The following DDX11 variants were observed in gnomAD, a reference collection of about 807,000 sequenced individuals.
The protein encoded by DDX11 is DEAD/H-box helicase 11.
DDX11 carries 72 observed loss-of-function variants against 125.2 expected under a neutral mutation model. The observed-to-expected ratio is 0.58, with a 90% CI of 0.48 to 0.70. The LOEUF is 0.70. Ranked by LOEUF, DDX11 falls within the 30% of genes least tolerant of loss-of-function variation. DDX11 has a pLI of 0.00. For synonymous variants in DDX11, 347 were observed against 452.6 expected (o/e 0.77, Z 2.96); for missense variants, 883 against 1,165.0 (o/e 0.76, Z 3.52).
At position 31,089,292 on chromosome 12, in the gene DDX11, G is replaced by T. The variant is rs545398341; in HGVS notation, c.793-111G>T. The T allele has an allele frequency of 1.1e-5, 15 of 1,403,186 alleles. No homozygotes were observed. In the South Asian group the frequency reaches 1.5e-4, roughly 14 times the overall value. 86.9% of individuals were successfully genotyped at this position (1,403,186 alleles called of 1,614,324 possible). On this transcript the variant is annotated intron_variant, in intron 7 of 26. Transcript: ENST00000542838. ...GAGCAGCCCCCTCCCTGACCTGGCC[G>T]GCCCAGCACTGGAAGGCAAAGGAGA...
intron 6 of DDX11, among the ~76,000 whole-genome samples, chr12:31,088,761 T>G (rs746651418): frequency 6.6e-6 from 1 of 152,124 alleles, no homozygotes; most frequent in African/African-American, 2.4e-5. Context: ...TGTCCAAAGA[T>G]TGGCCAACCC....
intron 1 of DDX11, among the ~76,000 whole-genome samples, chr12:31,075,209 T>C (rs1940530350): frequency 6.6e-6 from 1 of 151,606 alleles, no homozygotes; most frequent in Non-Finnish European, 1.5e-5. Context: ...TCCGTTATAC[T>C]CAGATTTATC....
Position 31,084,457 on chromosome 12 carries a change from G to T in DDX11, c.394-126G>T, listed in dbSNP as rs1942651611. The T allele has an allele frequency of 5.7e-6, 5 of 882,594 alleles. No homozygotes were observed. In the East Asian group the frequency reaches 1.3e-4, roughly 23 times the overall value. The allele number at this position is 882,594 out of a possible 1,614,324, so 54.7% of individuals were successfully genotyped here. On this transcript the variant is annotated intron_variant, in intron 3 of 26. Transcript: ENST00000542838. ...CCCGGGAGGGGATGCGGCAGCCCTT[G>T]AGTGCTGGCCGGGGAAGGAGAGATG...
Position 31,096,934 on chromosome 12 carries a change from T to C in DDX11, c.1706T>C (p.Phe569Ser). Residue 569 changes from phenylalanine to serine, a missense_variant, in exon 17 of 27, where the codon TTC (phenylalanine) becomes TCC (serine). By Grantham distance (155) the Phe-to-Ser change is radical. Around this residue, in one of 5 missense-constraint regions of DDX11, gnomAD observed 241 missense variants for 279.7 expected, o/e 0.86. Transcript: ENST00000542838. The stretch of plus-strand genomic sequence containing the variant: ...TCTCCACTGATGCACATCCAAGGCT[T>C]CCTGGCAGCTCTCACTACGGCCAAC... ...PASPLMHIQG[F>S]LAALTTANQD... 1.2e-6 allele frequency: 2 copies of C among 1,614,064 alleles called. No homozygotes were observed. Among genetic ancestry groups the C allele is most frequent in the Non-Finnish European group, 1.7e-6 (2 of 1,180,002 alleles).
intron 14 of DDX11, 113 bp from the exon 15 acceptor site, chr12:31,096,228 G>T (rs1945194177): frequency 7.5e-7 from 1 of 1,338,722 alleles, no homozygotes; most frequent in African/African-American, 1.5e-5. Flanking sequence ...GCCTCAGAAG[G>T]TAGCACTGCG....
chr12:31,081,986 A>G (rs78071328), intron 2 of DDX11, among the ~76,000 whole-genome samples: 29,063 of 86,364 alleles, frequency 0.34, 6,255 homozygotes, highest in East Asian at 0.72. Context: ...TGCTTCCGAT[A>G]TCACAGACAG....
intron 1 of DDX11, 43 bp from the exon 2 acceptor site, chr12:31,078,347 G>A: frequency 1.2e-6 from 2 of 1,602,784 alleles, no homozygotes; most frequent in Non-Finnish European, 1.7e-6. Context: ...ACTTCTTCCT[G>A]GACCATGAGA....
chr12:31,080,467 A>C lies in DDX11; in HGVS notation c.144+1930A>C, dbSNP rs192994348. On this transcript the variant is annotated intron_variant, in intron 2 of 26. Transcript: ENST00000542838. ...CAGGAGCAGGGATTGCAACCTGAGA[A>C]TCTAATTGTTCTTAAAAAGAATTTC... Among the ~76,000 whole-genome samples, 3 of 152,312 alleles carry C rather than the reference A, an allele frequency of 2.0e-5. No homozygotes were observed. In the East Asian group the frequency reaches 5.8e-4, roughly 29 times the overall value.
chr12:31,101,083 A>T lies in DDX11; in HGVS notation c.2005A>T (p.Asn669Tyr), dbSNP rs1205696482. Reference protein sequence around the residue: ...LPLVICSGISNQPLEFTFQKR... With the variant: ...LPLVICSGISYQPLEFTFQKR... ...CCTCGTCATCTGCAGCGGGATCTCCAACCAGCCGCTGGAATTCACGTTCCA... is the reference window on the plus strand; with the variant it reads ...CCTCGTCATCTGCAGCGGGATCTCCTACCAGCCGCTGGAATTCACGTTCCA... The change falls in exon 20 of 27, where the codon AAC becomes TAC. Residue 669 changes from asparagine to tyrosine, a missense_variant. Asn to Tyr is a moderately radical substitution (Grantham distance 143). Around this residue, in one of 5 missense-constraint regions of DDX11, gnomAD observed 285 missense variants for 346.0 expected, o/e 0.82. Transcript: ENST00000542838. 1 of 1,614,158 alleles carries T rather than the reference A, an allele frequency of 6.2e-7. No homozygotes were observed. Among genetic ancestry groups the T allele is most frequent in the East Asian group, 2.2e-5 (1 of 44,854 alleles).
At chr12:31,083,129 C>T (rs1313464865) in intron 2 of DDX11, among the ~76,000 whole-genome samples, 9 of 152,038 alleles carry the variant, frequency 5.9e-5, no homozygotes. Context: ...AAATTCTGGT[C>T]TTAAGTCAAG....
intron 3 of DDX11, among the ~76,000 whole-genome samples, chr12:31,084,373 G>A (rs1942628900): frequency 2.0e-5 from 3 of 152,240 alleles, no homozygotes; most frequent in Non-Finnish European, 4.4e-5. Context: ...GTGTGGCTTT[G>A]GGAGGAGTGT....
At chr12:31,089,845 G>A (rs1406021240) in intron 8 of DDX11, 41 bp from the exon 9 acceptor site, 2 of 1,609,574 alleles carry the variant, frequency 1.2e-6, no homozygotes, top group Admixed American at 1.7e-5. Context: ...GACAGTTGCT[G>A]TCCTCTCTGT....
rs138425155 is a variant in DDX11, at chr12:31,082,524, C to T, written c.145-1289C>T. 5.7e-3 allele frequency among the ~76,000 whole-genome samples: 874 copies of T among 152,216 alleles called. 7 individuals carry two copies. Among genetic ancestry groups the T allele is most frequent in the African/African-American group, 0.02 (817 of 41,518 alleles). ...CGCTGCTGCCCCAACCGTAGTCATACGAGGTGTTTCACCCCGCCCTGGATA... is the reference window on the plus strand; with the variant it reads ...CGCTGCTGCCCCAACCGTAGTCATATGAGGTGTTTCACCCCGCCCTGGATA... On this transcript the variant is annotated intron_variant, in intron 2 of 26. Transcript: ENST00000542838.
At chr12:31,088,399 C>T (rs575578813) in intron 6 of DDX11, among the ~76,000 whole-genome samples, 4 of 152,208 alleles carry the variant, frequency 2.6e-5, no homozygotes, top group African/African-American at 7.2e-5. Flanking sequence ...TTTTCTGTCC[C>T]TGCTGGGTGG....
At chr12:31,085,309 G>A (rs71455618) in intron 5 of DDX11, among the ~76,000 whole-genome samples, 183 bp downstream of exon 5, 10,668 of 152,122 alleles carry the variant, frequency 0.07, 217 homozygotes, top group Non-Finnish European at 0.1. Context: ...GACAGTCACC[G>A]GCCTGGCCTG....
chr12:31,089,093 A>C lies in DDX11; in HGVS notation c.734A>C (p.Glu245Ala). The change falls in exon 7 of 27, where the codon GAG becomes GCG. Residue 245 changes from glutamate to alanine, a missense_variant. Around this residue, in one of 5 missense-constraint regions of DDX11, gnomAD observed 283 missense variants for 359.6 expected, o/e 0.79. Transcript: ENST00000542838. ...THSQLAQFVH[E>A]VKKSPFGKDV... The stretch of plus-strand genomic sequence containing the variant: ...TCCCAGCTGGCCCAGTTTGTGCATG[A>C]GGTGAAGAAGAGCCCCTTTGGCAAG... The C allele has an allele frequency of 6.2e-7, 1 of 1,613,982 alleles. No individual in the cohort carries two copies.
At chr12:31,101,385 T>G (rs1946352028) in intron 20 of DDX11, 1 of 566,118 alleles carries the variant, frequency 1.8e-6, no homozygotes, top group African/African-American at 1.9e-5. Flanking sequence ...TGAGGACGCC[T>G]CACACAGGAG....
rs1219836687 is a variant in DDX11 at position 31,089,546 on chromosome 12, G to C, written c.880+56G>C. On this transcript the variant is annotated intron_variant, in intron 8 of 26. Coordinates refer to ENST00000542838, the MANE Select transcript of DDX11 (RefSeq NM_030653.4). ...GTGGTCTGGAGAGAGTGAGGCAGGG[G>C]TGGCAGTGACTGAAGACCATTAAGT... 211 of 1,554,078 alleles carry C rather than the reference G, an allele frequency of 1.4e-4. 1 individual carries two copies. The South Asian group carries it at 2.3e-3, about 17-fold the overall frequency.
intron 1 of DDX11, among the ~76,000 whole-genome samples, chr12:31,075,202 G>C (rs1316988117): frequency 1.3e-5 from 2 of 151,648 alleles, no homozygotes; most frequent in Non-Finnish European, 1.5e-5. Flanking sequence ...TAGTGAATCC[G>C]TTATACTCAG....
Sources: allele counts gnomAD v4.1 joint callset (sites outside exome capture counted in the v4.1 genomes callset), GRCh38; gene constraint gnomAD v4.1.1; regional missense constraint gnomAD v4.1.1; transcripts MANE v1.5; gene names NCBI Gene and HGNC (gene_info 2026-07-23, HGNC 2026-07-21).